WDR70: variants seen among roughly 807,000 people sequenced by gnomAD.
WDR70 encodes WD repeat-containing protein 70.
In WDR70, 53 loss-of-function variants were observed where a neutral mutation model predicts 88.6. That is an observed-to-expected ratio of 0.60 (90% CI 0.48 to 0.75). The LOEUF (loss-of-function observed/expected upper bound fraction) is 0.75, where lower values mean the gene tolerates loss of function less well. WDR70 is among the 30% of genes least tolerant of loss of function. The pLI is 0.00. For missense variants in WDR70, 610 were observed against 823.2 expected (o/e 0.74, Z 3.17); for synonymous variants, 280 against 270.0 (o/e 1.04, Z -0.36).
chr5:37,681,234 G>GT (rs1746427348), intron 10 of WDR70, among the ~76,000 whole-genome samples: 2 of 151,720 alleles, frequency 1.3e-5, no homozygotes, highest in South Asian at 2.1e-4. Context: ...TGGCTTGGCT[G>GT]TTTTTTGTGT....
rs1199852516 is a variant in WDR70 at position 37,392,002 on chromosome 5, G to A, written c.178G>A (p.Ala60Thr). 1 of 1,594,150 alleles carries A rather than the reference G, an allele frequency of 6.3e-7. No homozygotes were observed. Among genetic ancestry groups the A allele is most frequent in the Admixed American group, 1.9e-5 (1 of 53,226 alleles). The change falls in exon 4 of 18, where the codon GCA (alanine) becomes ACA (threonine). Residue 60 changes from alanine to threonine, a missense_variant and splice_region_variant. This residue lies in a region of WDR70 where 203 missense variants were observed against 228.1 expected (regional missense o/e 0.89). Transcript: ENST00000265107. ...TAATCTTTTTTTAATCTTTTCAGAA[G>A]CAAGAGAAAAAGAGGAAGAAATGAA... is the stretch of plus-strand genomic sequence containing the variant. ...AVERSRKTLE[A>T]REKEEEMNRE... is the part of the protein sequence containing the mutation.
At chr5:37,497,197 G>GCCTCCGTCCTCCCTCCATCCT in intron 8 of WDR70, among the ~76,000 whole-genome samples, 1 of 94,544 alleles carries the variant, frequency 1.1e-5, no homozygotes, top group Non-Finnish European at 2.0e-5. Flanking sequence ...CTCACTCCCT[G>GCCTCCGTCCTCCCTCCATCCT]CCTCCGTCCT....
chr5:37,722,695 C>G, intron 14 of WDR70, 160 bp from the exon 15 acceptor site: 1 of 629,226 alleles, frequency 1.6e-6, no homozygotes, highest in South Asian at 2.0e-5. Flanking sequence ...AAGCTTTTAT[C>G]ACTGAGAGCC....
At chr5:37,488,343 T>G (rs895418933) in intron 8 of WDR70, among the ~76,000 whole-genome samples, 2 of 152,020 alleles carry the variant, frequency 1.3e-5, no homozygotes, top group African/African-American at 2.4e-5. Flanking sequence ...TGTCTAAGTC[T>G]CCTGTTAGAC....
Position 37,752,685 on chromosome 5 carries a change from T to C in WDR70, c.*112T>C. On this transcript the variant is annotated 3_prime_UTR_variant, in exon 18 of 18. Coordinates refer to ENST00000265107, the MANE Select transcript of WDR70 (RefSeq NM_018034.4). ...TCATTTTTATGAACAGGTTTTGTCC[T>C]TTGCATTATTGAACTGGTCAAAAGT... is the stretch of plus-strand genomic sequence containing the variant. 2 of 823,064 alleles carry C rather than the reference T, an allele frequency of 2.4e-6. No individual in the cohort carries two copies. The highest frequency in any genetic ancestry group is 3.0e-5 in the Admixed American group (1 of 33,290). The allele number at this position is 823,064 out of a possible 1,614,324, so 51.0% of individuals were successfully genotyped here. A position where few individuals can be genotyped will look rare whatever the true frequency, so the allele number is the denominator to read the frequency against.
chr5:37,450,426 T>C (rs963266853), intron 7 of WDR70, among the ~76,000 whole-genome samples: 1 of 152,182 alleles, frequency 6.6e-6, no homozygotes, highest in Non-Finnish European at 1.5e-5. Flanking sequence ...TAGTATATAG[T>C]GTTTTGTATC....
chr5:37,455,656 G>C (rs59303474), intron 7 of WDR70, among the ~76,000 whole-genome samples: 5 of 12,668 alleles, frequency 3.9e-4, no homozygotes, highest in East Asian at 3.3e-3. Context: ...TTTTTTTTTT[G>C]CCACAATTTG....
At chr5:37,620,424 TTATATGCTC>T (rs1744477121) in intron 10 of WDR70, among the ~76,000 whole-genome samples, 1 of 152,210 alleles carries the variant, frequency 6.6e-6, no homozygotes, top group South Asian at 2.1e-4. Flanking sequence ...AAAACAGTTT[TTATATGCTC>T]TCTATTTGAA....
At chr5:37,574,982 G>C (rs1274114566) in intron 9 of WDR70, among the ~76,000 whole-genome samples, 1 of 152,080 alleles carries the variant, frequency 6.6e-6, no homozygotes, top group Non-Finnish European at 1.5e-5. Flanking sequence ...ACTCTGCAGT[G>C]GTATCTTAAC....
intron 7 of WDR70, among the ~76,000 whole-genome samples, chr5:37,454,140 G>A (rs1738759074): frequency 6.6e-6 from 1 of 152,022 alleles, no homozygotes; most frequent in South Asian, 2.1e-4. Context: ...TTTCAGCAAG[G>A]TGTACCCACC....
intron 13 of WDR70, among the ~76,000 whole-genome samples, chr5:37,707,944 AAAAAATATATATATATATATATATAT>A (rs1261658828): frequency 1.2e-4 from 3 of 24,794 alleles, no homozygotes; most frequent in African/African-American, 3.6e-4. Flanking sequence ...AAAAAAAAAA[AAAAAATATATATATATATATATATAT>A]ATATATATAT....
At chr5:37,447,056 A>G (rs1738506290) in intron 7 of WDR70, among the ~76,000 whole-genome samples, 1 of 152,222 alleles carries the variant, frequency 6.6e-6, no homozygotes, top group Non-Finnish European at 1.5e-5. Flanking sequence ...CAAAGGGCTA[A>G]TATCCAAAAC....
chr5:37,592,127 T>C (rs1278216062), intron 9 of WDR70, among the ~76,000 whole-genome samples: 3 of 152,112 alleles, frequency 2.0e-5, no homozygotes, highest in Non-Finnish European at 4.4e-5. Flanking sequence ...GGATTCAAAT[T>C]GTGGAATATT....
intron 17 of WDR70, among the ~76,000 whole-genome samples, chr5:37,751,287 T>C (rs1339678352): frequency 6.6e-6 from 1 of 152,244 alleles, no homozygotes. Flanking sequence ...CTTTTCGAAA[T>C]TTAAGAGCTG....
intron 10 of WDR70, among the ~76,000 whole-genome samples, chr5:37,623,728 C>T (rs1581444031): frequency 6.6e-6 from 1 of 152,056 alleles, no homozygotes; most frequent in South Asian, 2.1e-4. Context: ...ACTTCAGTTT[C>T]CTCATCTGAA....
chr5:37,445,483 A>G (rs1384670183), intron 7 of WDR70, among the ~76,000 whole-genome samples: 1 of 151,790 alleles, frequency 6.6e-6, no homozygotes, highest in Non-Finnish European at 1.5e-5. Context: ...ATTGATGTTC[A>G]TTAGGGATAT....
intron 9 of WDR70, among the ~76,000 whole-genome samples, chr5:37,572,209 G>A (rs923642964): frequency 2.6e-5 from 4 of 152,124 alleles, no homozygotes; most frequent in Non-Finnish European, 4.4e-5. Context: ...AAACGAGGTA[G>A]TTGAACATTG....
intron 9 of WDR70, among the ~76,000 whole-genome samples, chr5:37,530,779 T>G (rs1741458738): frequency 1.3e-5 from 2 of 151,642 alleles, no homozygotes; most frequent in South Asian, 4.1e-4. Flanking sequence ...TTTTGTTTTT[T>G]TTTTTTTCAT....
intron 5 of WDR70, among the ~76,000 whole-genome samples, chr5:37,425,106 C>T (rs142174250): frequency 4.3e-4 from 66 of 152,236 alleles, no homozygotes; most frequent in South Asian, 8.3e-4. Context: ...ATTAGCTGTG[C>T]GTGGTCATGC....
Sources: gnomAD v4.1 joint callset for allele counts (sites outside exome capture counted in the v4.1 genomes callset) on GRCh38, gnomAD v4.1.1 for gene constraint, gnomAD v4.1.1 regional missense constraint, MANE v1.5 for transcripts, NCBI Gene and HGNC (gene_info 2026-07-23, HGNC 2026-07-21) for gene names.